Variants in FAM107A observed in about 807,000 individuals in gnomAD.
The protein encoded by FAM107A is family with sequence similarity 107 member A.
A neutral mutation model predicts 13.7 loss-of-function variants in FAM107A; 19 were observed. That is an observed-to-expected ratio of 1.38 (90% CI 0.97 to 2.03). The LOEUF (loss-of-function observed/expected upper bound fraction) is 2.03. FAM107A is among the 30% of genes most tolerant of loss of function. The probability of loss-of-function intolerance (pLI) is 0.00; values close to 1 mark genes in which losing one functional copy is unlikely to be tolerated. For synonymous variants in FAM107A, 82 were observed against 74.5 expected (o/e 1.10, Z -0.52); for missense variants, 203 against 184.4 (o/e 1.10, Z -0.58).
At chr3:58,596,929 T>C (rs907767835) in intron 1 of FAM107A, among the ~76,000 whole-genome samples, 1 of 152,212 alleles carries the variant, frequency 6.6e-6, no homozygotes, top group African/African-American at 2.4e-5. Context: ...CTCTAGAACT[T>C]CACATCAATG....
chr3:58,626,425 G>C (rs1293038270), intron 1 of FAM107A, among the ~76,000 whole-genome samples: 1 of 152,076 alleles, frequency 6.6e-6, no homozygotes, highest in Non-Finnish European at 1.5e-5. Context: ...AATAATAATG[G>C]AGCAAAGCCT....
intron 1 of FAM107A, among the ~76,000 whole-genome samples, chr3:58,606,823 C>T (rs1232856762): frequency 6.6e-6 from 1 of 152,218 alleles, no homozygotes; most frequent in African/African-American, 2.4e-5. Flanking sequence ...AACCCCCACC[C>T]CCAATACCTA....
In FAM107A at chr3:58,569,035, G is replaced by T. The variant is rs928917413; in HGVS notation, c.170+656C>A. Among the ~76,000 whole-genome samples, 1 of 152,108 alleles carries T rather than the reference G, an allele frequency of 6.6e-6. No individual in the cohort carries two copies. The highest frequency in any genetic ancestry group is 2.4e-5 in the African/African-American group (1 of 41,416). On this transcript the variant is annotated intron_variant, in intron 2 of 3. Coordinates refer to ENST00000360997, the MANE Select transcript of FAM107A (RefSeq NM_001076778.3). This position sits in a 1 kb window ranked among gnomAD's most constrained non-coding sequence, Gnocchi z 5.7. ...TCCCCCATCCCACCTCACCAGACGG[G>T]CCCACCACACCTTGTGCCCCTGCTG...
intron 1 of FAM107A, chr3:58,609,201 T>C (rs2065829349): frequency 6.6e-6 from 1 of 152,170 alleles, no homozygotes; most frequent in African/African-American, 2.4e-5. Context: ...GCCACTCTCT[T>C]CTGGCTGTGT....
At chr3:58,616,082 C>T (rs1198933267) in intron 1 of FAM107A, among the ~76,000 whole-genome samples, 1 of 151,922 alleles carries the variant, frequency 6.6e-6, no homozygotes, top group African/African-American at 2.4e-5. Flanking sequence ...AGTAGGGAGC[C>T]CAGAGCACGA....
chr3:58,600,032 C>CA (rs965476739), intron 1 of FAM107A, among the ~76,000 whole-genome samples: 3 of 152,078 alleles, frequency 2.0e-5, no homozygotes, highest in African/African-American at 7.2e-5. Context: ...ATTTACCCCC[C>CA]ACCCCTGCAA....
At chr3:58,597,153 T>C (rs1575450167) in intron 1 of FAM107A, among the ~76,000 whole-genome samples, 1 of 152,242 alleles carries the variant, frequency 6.6e-6, no homozygotes, top group Admixed American at 6.5e-5. Context: ...AAAGCTGCTA[T>C]GAACAACTTT....
At position 58,569,226 on chromosome 3, in the gene FAM107A, C is replaced by G. The variant is rs1026661881; in HGVS notation, c.170+465G>C. ...ACTCCAGTCCCCCTTCAGGTCATAG[C>G]TGAGGCAGCACCGCTCCTGTGAAGT... is the stretch of plus-strand genomic sequence containing the variant. On this transcript the variant is annotated intron_variant, in intron 2 of 3. Coordinates refer to ENST00000360997, the MANE Select transcript of FAM107A (RefSeq NM_001076778.3). This position sits in a 1 kb window ranked among gnomAD's most constrained non-coding sequence, Gnocchi z 5.7. Among the ~76,000 whole-genome samples the G allele has an allele frequency of 1.3e-5, 2 of 152,210 alleles. No homozygotes were observed. The highest frequency in any genetic ancestry group is 4.8e-5 in the African/African-American group (2 of 41,446).
rs7637692 is a variant in FAM107A, at chr3:58,617,081, C to G, written c.-70+10335G>C. ...GCCACCGCGCCTGGCCTCGGCTACC[C>G]AGTTTCTGATCGTTTGTTATGGCCG... On this transcript the variant is annotated intron_variant, in intron 1 of 3. Transcript: ENST00000465970. This position sits in a 1 kb window ranked among gnomAD's most constrained non-coding sequence, Gnocchi z 4.5. Among the ~76,000 whole-genome samples the G allele has an allele frequency of 0.38, 57,112 of 152,070 alleles. 11,248 individuals carry two copies. The highest frequency in any genetic ancestry group is 0.52 in the South Asian group (2,533 of 4,826).
intron 1 of FAM107A, among the ~76,000 whole-genome samples, chr3:58,623,844 C>T (rs1315066506): frequency 6.6e-6 from 1 of 152,228 alleles, no homozygotes; most frequent in African/African-American, 2.4e-5. Flanking sequence ...GGTGCAGAAG[C>T]GGCAGTGCAT....
At chr3:58,627,183 A>C (rs2066027225) in intron 1 of FAM107A, 4 of 606,098 alleles carry the variant, frequency 6.6e-6, no homozygotes, top group Non-Finnish European at 1.2e-5. Context: ...CGCCTCAGAC[A>C]GGCTTAGGGC....
chr3:58,577,685 C>G (rs2063742387), upstream of FAM107A: 8 of 985,360 alleles, frequency 8.1e-6, no homozygotes, highest in Non-Finnish European at 9.6e-6. This position sits in a 1 kb window ranked among gnomAD's most constrained non-coding sequence, Gnocchi z 4.9. Flanking sequence ...AGGAATTTCC[C>G]TTGTTTCTTA....
intron 1 of FAM107A, among the ~76,000 whole-genome samples, chr3:58,570,583 C>CAGAGAG (rs371909507): frequency 0.02 from 1,844 of 90,744 alleles, 36 homozygotes; most frequent in Non-Finnish European, 0.03. Flanking sequence ...GCAAATACAG[C>CAGAGAG]AGAGAGAGAG....
At chr3:58,609,889 A>G (rs2065836756) in intron 1 of FAM107A, among the ~76,000 whole-genome samples, 1 of 152,228 alleles carries the variant, frequency 6.6e-6, no homozygotes, top group Non-Finnish European at 1.5e-5. Flanking sequence ...TCGGGGCAGG[A>G]GGCAGCTGTT....
chr3:58,575,473 C>T (rs951258063), intron 1 of FAM107A, among the ~76,000 whole-genome samples: 1 of 151,796 alleles, frequency 6.6e-6, no homozygotes, highest in African/African-American at 2.4e-5. Context: ...GCCAGTGGTA[C>T]CCTGTTTTAT....
chr3:58,569,612 C>T lies in FAM107A; in HGVS notation c.170+79G>A, dbSNP rs980143486. The T allele has an allele frequency of 1.6e-6, 2 of 1,274,036 alleles. No homozygotes were observed. The highest frequency in any genetic ancestry group is 2.2e-6 in the Non-Finnish European group (2 of 920,662). 78.9% of individuals were successfully genotyped at this position (1,274,036 alleles called of 1,614,324 possible). A position where few individuals can be genotyped will look rare whatever the true frequency, so the allele number is the denominator to read the frequency against. ...AGCCCCAGGATGAAAGCCAGCTCTG[C>T]TTTCCTCCAGGGTCACCTTCCCCAT... On this transcript the variant is annotated intron_variant, in intron 2 of 3. Coordinates refer to ENST00000360997, the MANE Select transcript of FAM107A (RefSeq NM_001076778.3). The surrounding 1 kb of genome is among the most constrained non-coding windows in gnomAD (Gnocchi z 5.7).
At chr3:58,586,359 T>C (rs551819654) in intron 1 of FAM107A, among the ~76,000 whole-genome samples, 17 of 151,770 alleles carry the variant, frequency 1.1e-4, no homozygotes, top group African/African-American at 4.1e-4. Context: ...ATGTATGTCA[T>C]AGATCCCCAA....
chr3:58,594,357 G>A (rs747510270), intron 1 of FAM107A, among the ~76,000 whole-genome samples: 5 of 152,020 alleles, frequency 3.3e-5, no homozygotes, highest in Non-Finnish European at 7.4e-5. Flanking sequence ...TTGCTTGTAG[G>A]CACTTTCTCA....
rs17059503 is a variant in FAM107A, at chr3:58,618,734, G to C, written c.-70+8682C>G. Among the ~76,000 whole-genome samples, 3,922 of 152,292 alleles carry C rather than the reference G, an allele frequency of 0.026. 252 individuals carry two copies. The East Asian group carries it at 0.3, about 12-fold the overall frequency. On this transcript the variant is annotated intron_variant, in intron 1 of 3. Coordinates refer to the FAM107A transcript ENST00000465970. ...GCCCCCTGTGACCTCTTCCTCTCTT[G>C]AGGTCTTAGAACATCTGGGAGTGAA...
Sources: allele counts gnomAD v4.1 joint callset (sites outside exome capture counted in the v4.1 genomes callset), GRCh38; gene constraint gnomAD v4.1.1; non-coding constraint Gnocchi (gnomAD v3.1); transcripts MANE v1.5; gene names NCBI Gene and HGNC (gene_info 2026-07-23, HGNC 2026-07-21).